The following NRXN1 variants were observed in gnomAD, a reference collection of about 807,000 sequenced individuals.
NRXN1 encodes the protein neurexin 1.
A neutral mutation model predicts 150.9 loss-of-function variants in NRXN1; 39 were observed. The ratio of observed to expected loss-of-function variants is 0.26; its 90% confidence interval spans 0.20 to 0.34. NRXN1 has a LOEUF of 0.34. Ranked by LOEUF, NRXN1 falls within the 10% of genes least tolerant of loss-of-function variation. The pLI is 1.00. For synonymous variants in NRXN1, 924 were observed against 757.0 expected (o/e 1.22, Z -3.62); for missense variants, 1,815 against 1,949.9 (o/e 0.93, Z 1.30).
At chr2:49,936,237 A>ATGTT (rs1671005914) in intron 22 of NRXN1, among the ~76,000 whole-genome samples, 1 of 152,208 alleles carries the variant, frequency 6.6e-6, no homozygotes, top group African/African-American at 2.4e-5. Flanking sequence ...GGCCAATCAT[A>ATGTT]TGTTAGTTAA....
At chr2:50,423,170 T>C (rs2084136424) in intron 17 of NRXN1, among the ~76,000 whole-genome samples, 1 of 152,182 alleles carries the variant, frequency 6.6e-6, no homozygotes, top group Non-Finnish European at 1.5e-5. Flanking sequence ...TTCTCTCACC[T>C]GGAATTTTGT....
At chr2:50,216,121 T>C (rs2063381133) in intron 18 of NRXN1, among the ~76,000 whole-genome samples, 1 of 151,952 alleles carries the variant, frequency 6.6e-6, no homozygotes, top group Non-Finnish European at 1.5e-5. Flanking sequence ...TTAGGGAGGC[T>C]GAGGCAGGAA....
chr2:50,449,899 T>C (rs2086804207), intron 17 of NRXN1, among the ~76,000 whole-genome samples: 1 of 152,144 alleles, frequency 6.6e-6, no homozygotes, highest in African/African-American at 2.4e-5. Flanking sequence ...GCAAGATCTG[T>C]AATTGTGTTT....
At chr2:50,785,059 G>C (rs931719714) in intron 5 of NRXN1, among the ~76,000 whole-genome samples, 1 of 151,904 alleles carries the variant, frequency 6.6e-6, no homozygotes, top group Admixed American at 6.6e-5. Flanking sequence ...CACAGAATGT[G>C]CCTTTCCAAG....
intron 17 of NRXN1, among the ~76,000 whole-genome samples, chr2:50,411,857 GT>G (rs1314419138): frequency 1.1e-4 from 16 of 152,358 alleles, no homozygotes; most frequent in Middle Eastern, 3.4e-3. Flanking sequence ...GACGATGGTG[GT>G]TTTGTCAGAT....
intron 5 of NRXN1, among the ~76,000 whole-genome samples, chr2:50,782,724 T>C (rs576858290): frequency 6.6e-6 from 1 of 152,286 alleles, no homozygotes; most frequent in Non-Finnish European, 1.5e-5. Flanking sequence ...CTGCATGGCA[T>C]TCCTCTCCAG....
At chr2:50,721,729 C>T (rs533323056) in intron 5 of NRXN1, among the ~76,000 whole-genome samples, 13 of 152,182 alleles carry the variant, frequency 8.5e-5, no homozygotes, top group South Asian at 2.1e-4. Flanking sequence ...TTTTTTCATA[C>T]ATTATTTTAT....
intron 5 of NRXN1, among the ~76,000 whole-genome samples, chr2:50,908,980 T>G (rs760407700): frequency 6.6e-6 from 1 of 152,212 alleles, no homozygotes; most frequent in South Asian, 2.1e-4. Context: ...TTATTTTCTT[T>G]ATAACTTACA....
At chr2:49,961,567 A>G (rs940002120) in intron 21 of NRXN1, among the ~76,000 whole-genome samples, 3 of 152,194 alleles carry the variant, frequency 2.0e-5, no homozygotes, top group Non-Finnish European at 2.9e-5. Context: ...TCAAGCCCTA[A>G]CAAGAATCTG....
chr2:50,464,631 C>A (rs2088618415), intron 17 of NRXN1, among the ~76,000 whole-genome samples: 1 of 151,934 alleles, frequency 6.6e-6, no homozygotes, highest in Non-Finnish European at 1.5e-5. Flanking sequence ...GCACTGACAA[C>A]ATATAGCACG....
chr2:50,469,997 C>T (rs1389200977), intron 16 of NRXN1, among the ~76,000 whole-genome samples: 1 of 151,454 alleles, frequency 6.6e-6, no homozygotes, highest in Non-Finnish European at 1.5e-5. Flanking sequence ...TGCTTCCGCC[C>T]ACTCACTCAC....
intron 5 of NRXN1, among the ~76,000 whole-genome samples, chr2:50,654,813 C>A (rs1686173540): frequency 6.6e-6 from 1 of 152,028 alleles, no homozygotes; most frequent in South Asian, 2.1e-4. Context: ...TGTCTGTTGG[C>A]TGCATAAATG....
chr2:50,153,915 C>T (rs893224393), intron 18 of NRXN1, among the ~76,000 whole-genome samples: 1 of 151,642 alleles, frequency 6.6e-6, no homozygotes, highest in Non-Finnish European at 1.5e-5. Flanking sequence ...TCTTATTTGT[C>T]CATCATGGCT....
At chr2:49,992,462 C>T (rs1020415731) in intron 21 of NRXN1, among the ~76,000 whole-genome samples, 14 of 151,500 alleles carry the variant, frequency 9.2e-5, no homozygotes, top group African/African-American at 3.1e-4. Context: ...TGCCTATAGT[C>T]CCAGCTAGTC....
intron 18 of NRXN1, among the ~76,000 whole-genome samples, chr2:50,161,199 T>C (rs2059344616): frequency 6.6e-6 from 1 of 152,156 alleles, no homozygotes; most frequent in African/African-American, 2.4e-5. Context: ...GCATAATGCA[T>C]TTAACCTTAC....
At chr2:50,980,378 C>T (rs995370563) in intron 2 of NRXN1, among the ~76,000 whole-genome samples, 5 of 151,966 alleles carry the variant, frequency 3.3e-5, no homozygotes, top group Admixed American at 6.6e-5. Flanking sequence ...AAAGTTTTTA[C>T]CTAAAAAACA....
At chr2:50,446,613 TC>T (rs759543314) in intron 17 of NRXN1, among the ~76,000 whole-genome samples, 79 of 150,346 alleles carry the variant, frequency 5.3e-4, no homozygotes, top group Admixed American at 4.1e-3. Flanking sequence ...TCCCTCTTTT[TC>T]TTTGTTCCTT....
intron 2 of NRXN1, among the ~76,000 whole-genome samples, chr2:50,948,737 T>C (rs1690811769): frequency 6.6e-6 from 1 of 152,044 alleles, no homozygotes; most frequent in Admixed American, 6.6e-5. Flanking sequence ...AGGCAGTCAC[T>C]AATTGAGCCC....
intron 18 of NRXN1, among the ~76,000 whole-genome samples, chr2:50,217,658 G>T (rs1357921708): frequency 6.6e-6 from 1 of 151,972 alleles, no homozygotes; most frequent in East Asian, 1.9e-4. Context: ...TGCATTCTGT[G>T]GGTCTGTGGA....
Sources: allele counts gnomAD v4.1 joint callset (sites outside exome capture counted in the v4.1 genomes callset), GRCh38; gene constraint gnomAD v4.1.1; transcripts MANE v1.5; gene names NCBI Gene and HGNC (gene_info 2026-07-23, HGNC 2026-07-21).